FOXN3: variants seen among roughly 807,000 people sequenced by gnomAD.
The protein encoded by FOXN3 is forkhead box protein N3.
In FOXN3, 7 loss-of-function variants were observed where a neutral mutation model predicts 38.4. The ratio of observed to expected loss-of-function variants is 0.18; its 90% CI spans 0.10 to 0.34. The LOEUF is 0.34. Ranked by LOEUF, FOXN3 falls within the 10% of genes least tolerant of loss-of-function variation. The probability of loss-of-function intolerance (pLI) is 1.00; values close to 1 mark genes in which losing one functional copy is unlikely to be tolerated. For synonymous variants in FOXN3, 230 were observed against 242.2 expected (o/e 0.95, Z 0.47); for missense variants, 456 against 613.4 (o/e 0.74, Z 2.71).
chr14:89,162,332 G>A lies in FOXN3; in HGVS notation c.*82C>T. ...ACAAGAAAAAAGAAAAAAAATTGCT[G>A]ATATTGCCACAAATCATTAGAAATC... is the stretch of plus-strand genomic sequence containing the variant. On this transcript the variant is annotated 3_prime_UTR_variant, in exon 6 of 6. Transcript: ENST00000557258. The surrounding 1 kb of genome is among the most constrained non-coding windows in gnomAD (Gnocchi z 7.2). The A allele has an allele frequency of 8.5e-7, 1 of 1,174,374 alleles. No homozygotes were observed. Among genetic ancestry groups the A allele is most frequent in the Non-Finnish European group, 1.2e-6 (1 of 857,170 alleles). 72.7% of individuals were successfully genotyped at this position (1,174,374 alleles called of 1,614,324 possible).
At chr14:89,524,157 G>A (rs1218460600) in intron 1 of FOXN3, among the ~76,000 whole-genome samples, 2 of 147,292 alleles carry the variant, frequency 1.4e-5, no homozygotes, top group Admixed American at 6.7e-5. Flanking sequence ...GGTGGATCAC[G>A]AGGTCAGGAG....
intron 4 of FOXN3, among the ~76,000 whole-genome samples, chr14:89,217,369 G>A (rs1356574926): frequency 6.6e-6 from 1 of 152,016 alleles, no homozygotes; most frequent in South Asian, 2.1e-4. Flanking sequence ...GAACTCCTGG[G>A]CTCAAGCAAT....
chr14:89,371,710 C>T (rs1248437174), intron 2 of FOXN3, among the ~76,000 whole-genome samples: 1 of 151,968 alleles, frequency 6.6e-6, no homozygotes, highest in African/African-American at 2.4e-5. Context: ...CAAGCTCCAC[C>T]AAAGGGAGGC....
At chr14:89,367,335 A>T (rs1596231649) in intron 2 of FOXN3, among the ~76,000 whole-genome samples, 1 of 152,298 alleles carries the variant, frequency 6.6e-6, no homozygotes, top group East Asian at 1.9e-4. Context: ...CCTTTCAACA[A>T]AGGGTGTCTA....
chr14:89,380,565 C>T (rs541847044), intron 2 of FOXN3, among the ~76,000 whole-genome samples: 15 of 152,318 alleles, frequency 9.8e-5, no homozygotes, highest in South Asian at 8.3e-4. Context: ...GCCCGTACAC[C>T]GTGCCCGTCT....
At chr14:89,463,819 T>C (rs185073508) in intron 1 of FOXN3, among the ~76,000 whole-genome samples, 1 of 151,164 alleles carries the variant, frequency 6.6e-6, no homozygotes, top group African/African-American at 2.4e-5. Flanking sequence ...AGTTGTGCTC[T>C]TGTCACTCAG....
chr14:89,518,155 C>T (rs1376705852), intron 1 of FOXN3, among the ~76,000 whole-genome samples: 1 of 152,190 alleles, frequency 6.6e-6, no homozygotes, highest in African/African-American at 2.4e-5. Flanking sequence ...GAGCAACAGA[C>T]ATCACCTGGG....
At chr14:89,286,543 T>C (rs1283824862) in intron 3 of FOXN3, among the ~76,000 whole-genome samples, 4 of 152,132 alleles carry the variant, frequency 2.6e-5, no homozygotes, top group Non-Finnish European at 5.9e-5. Context: ...TCCCTTCGGA[T>C]GGGTGACATC....
chr14:89,612,254 G>A (rs887152421), intron 1 of FOXN3, among the ~76,000 whole-genome samples: 1 of 152,132 alleles, frequency 6.6e-6, no homozygotes, highest in African/African-American at 2.4e-5. Flanking sequence ...AAATAATGCA[G>A]AGAGCAGCAT....
At chr14:89,172,289 A>C (rs773079211) in intron 5 of FOXN3, among the ~76,000 whole-genome samples, 14 of 152,178 alleles carry the variant, frequency 9.2e-5, no homozygotes, top group Non-Finnish European at 1.5e-4. Flanking sequence ...GGGTCTCACT[A>C]TGTACAGGCT....
At chr14:89,513,916 ACACACACACACACGCACG>A (rs1290043417) in intron 1 of FOXN3, among the ~76,000 whole-genome samples, 15 of 151,828 alleles carry the variant, frequency 9.9e-5, no homozygotes, top group Non-Finnish European at 1.5e-4. Flanking sequence ...ACACACACAC[ACACACACACACACGCACG>A]CACACACGCA....
At chr14:89,315,890 G>A (rs554760814) in intron 3 of FOXN3, among the ~76,000 whole-genome samples, 1 of 152,254 alleles carries the variant, frequency 6.6e-6, no homozygotes, top group African/African-American at 2.4e-5. Context: ...CATGCAGATG[G>A]TGAGTGGAGC....
intron 2 of FOXN3, among the ~76,000 whole-genome samples, chr14:89,383,797 A>ATTT (rs11424163): frequency 2.0e-5 from 3 of 148,656 alleles, no homozygotes; most frequent in African/African-American, 7.4e-5. Flanking sequence ...TTATGTATTC[A>ATTT]TTTTTTTTTT....
At chr14:89,592,418 AAAG>A (rs539055324) in intron 1 of FOXN3, among the ~76,000 whole-genome samples, 83 of 152,344 alleles carry the variant, frequency 5.4e-4, no homozygotes, top group African/African-American at 1.9e-3. Context: ...AATGACTTAT[AAAG>A]ACACAACAAG....
chr14:89,595,228 G>A (rs961547235), intron 1 of FOXN3, among the ~76,000 whole-genome samples: 1 of 151,966 alleles, frequency 6.6e-6, no homozygotes, highest in Admixed American at 6.6e-5. Context: ...AGGAGGCTGA[G>A]GCAGGAGAAT....
intron 1 of FOXN3, among the ~76,000 whole-genome samples, chr14:89,533,712 T>C (rs1894625743): frequency 7.0e-6 from 1 of 142,192 alleles, no homozygotes; most frequent in Non-Finnish European, 1.5e-5. Flanking sequence ...TTATTTAAGG[T>C]GAAAGCTTAT....
intron 1 of FOXN3, among the ~76,000 whole-genome samples, chr14:89,446,192 TTTTC>T (rs535936853): frequency 0.44 from 38,421 of 88,214 alleles, 10,282 homozygotes; most frequent in Non-Finnish European, 0.52. Flanking sequence ...TTTTTTTTTT[TTTTC>T]TTTTTTTTTT....
intron 3 of FOXN3, among the ~76,000 whole-genome samples, chr14:89,323,606 C>T (rs1887957632): frequency 6.6e-6 from 1 of 151,926 alleles, no homozygotes; most frequent in Admixed American, 6.6e-5. Context: ...GTAATCCCAG[C>T]TACTCAGGAG....
chr14:89,238,580 G>A (rs1566936300), intron 4 of FOXN3, among the ~76,000 whole-genome samples: 1 of 152,216 alleles, frequency 6.6e-6, no homozygotes, highest in South Asian at 2.1e-4. Context: ...AGTGGCTTAA[G>A]GGGTCACTTG....
Sources: allele counts gnomAD v4.1 joint callset (sites outside exome capture counted in the v4.1 genomes callset), GRCh38; gene constraint gnomAD v4.1.1; non-coding constraint Gnocchi (gnomAD v3.1); transcripts MANE v1.5; gene names NCBI Gene and HGNC (gene_info 2026-07-23, HGNC 2026-07-21).